The following NBEA variants were observed in gnomAD, a reference collection of about 807,000 sequenced individuals.
NBEA encodes lysosomal-trafficking regulator 2.
In NBEA, 44 loss-of-function variants were observed where a neutral mutation model predicts 343.4. The ratio of observed to expected loss-of-function variants is 0.13; its 90% CI spans 0.10 to 0.16. The LOEUF (loss-of-function observed/expected upper bound fraction) is 0.16, where lower values mean the gene tolerates loss of function less well. Among genes scored for constraint, NBEA ranks in the 10% least tolerant of loss-of-function variants. The pLI, the probability that NBEA is intolerant of heterozygous loss-of-function variation, is 1.00. For missense variants in NBEA, 2,555 were observed against 3,631.3 expected, an observed-to-expected ratio of 0.70 and a Z score of 7.62; for synonymous variants, 1,175 against 1,238.7, an observed-to-expected ratio of 0.95 and a Z score of 1.08.
intron 39 of NBEA, among the ~76,000 whole-genome samples, chr13:35,449,804 C>T (rs1369813919): frequency 6.6e-6 from 1 of 152,188 alleles, no homozygotes; most frequent in Non-Finnish European, 1.5e-5. Flanking sequence ...TTTAATTCCC[C>T]TCCCCTCCAA....
intron 1 of NBEA, among the ~76,000 whole-genome samples, chr13:35,023,502 G>C (rs1430859277): frequency 6.6e-6 from 1 of 152,010 alleles, no homozygotes; most frequent in East Asian, 1.9e-4. Context: ...AAAAGTATGC[G>C]ATCATAGAGG....
chr13:35,552,924 T>C (rs1298229665), intron 43 of NBEA, among the ~76,000 whole-genome samples: 2 of 152,078 alleles, frequency 1.3e-5, no homozygotes, highest in Non-Finnish European at 2.9e-5. Flanking sequence ...AAGGTCTCAC[T>C]CTGTCACCCA....
intron 36 of NBEA, among the ~76,000 whole-genome samples, chr13:35,340,382 A>G (rs528564524): frequency 1.3e-5 from 2 of 152,256 alleles, no homozygotes; most frequent in Non-Finnish European, 2.9e-5. Context: ...GCATGATTCC[A>G]CTTGTATGAG....
rs1487421262 is a variant in NBEA at position 35,667,552 on chromosome 13, G to C, written c.8643G>C (p.Glu2881Asp). 2 of 1,613,994 alleles carry C rather than the reference G, an allele frequency of 1.2e-6. No homozygotes were observed. Among genetic ancestry groups the C allele is most frequent in the South Asian group, 2.2e-5 (2 of 91,078 alleles). The change falls in exon 57 of 59, where the codon GAG becomes GAC. Residue 2881 changes from glutamate to aspartate, a missense_variant. This residue lies in a region of NBEA where 186 missense variants were observed against 328.9 expected (regional missense o/e 0.57). Transcript: ENST00000379939. ...ATGGGAAACTTTTGGCTCAAATGGA[G>C]ATCAATGATTCAACACGGGTAAATC... ...SINGKLLAQM[E>D]INDSTRAILL... is the part of the protein sequence containing the mutation.
intron 44 of NBEA, among the ~76,000 whole-genome samples, chr13:35,566,253 C>T (rs760396380): frequency 1.2e-4 from 19 of 152,184 alleles, no homozygotes; most frequent in Non-Finnish European, 2.2e-4. Context: ...CCCAGCTACT[C>T]AGGAGGCTGA....
chr13:35,276,191 G>A (rs2034574008), intron 34 of NBEA, among the ~76,000 whole-genome samples: 2 of 151,984 alleles, frequency 1.3e-5, no homozygotes, highest in Non-Finnish European at 2.9e-5. Context: ...GAGCACATAT[G>A]GCCTGTGTTG....
At chr13:35,361,608 A>G (rs1049881414) in intron 38 of NBEA, among the ~76,000 whole-genome samples, 2 of 152,038 alleles carry the variant, frequency 1.3e-5, no homozygotes, top group South Asian at 2.1e-4. Flanking sequence ...CATAGGAGAA[A>G]AATCTTGGTG....
At chr13:35,594,276 G>A (rs1187185669) in intron 47 of NBEA, among the ~76,000 whole-genome samples, 1 of 151,916 alleles carries the variant, frequency 6.6e-6, no homozygotes, top group Non-Finnish European at 1.5e-5. Flanking sequence ...ATTCCATTTA[G>A]AGCCTTAAAC....
intron 34 of NBEA, among the ~76,000 whole-genome samples, chr13:35,243,149 G>A (rs961681636): frequency 2.6e-5 from 4 of 151,806 alleles, no homozygotes; most frequent in African/African-American, 9.7e-5. Context: ...GCAGATGACT[G>A]AGCTGTAAAG....
At position 35,409,427 on chromosome 13, in the gene NBEA, A is replaced by G. The variant is rs185578843; in HGVS notation, c.6180-22842A>G. Reference sequence around the variant, plus strand: ...ATACTTGGATGATGAAATAATCTGTACAACAAACCCCCATGATACAAGTTT... The same window carrying G: ...ATACTTGGATGATGAAATAATCTGTGCAACAAACCCCCATGATACAAGTTT... On this transcript the variant is annotated intron_variant, in intron 38 of 58. Coordinates refer to ENST00000379939, the MANE Select transcript of NBEA (RefSeq NM_001385012.1). Among the ~76,000 whole-genome samples the G allele has an allele frequency of 6.6e-5, 10 of 152,222 alleles. No individual in the cohort carries two copies. In the East Asian group the frequency reaches 1.9e-3, roughly 29 times the overall value.
At chr13:35,054,473 T>G (rs2063174373) in intron 6 of NBEA, among the ~76,000 whole-genome samples, 1 of 152,086 alleles carries the variant, frequency 6.6e-6, no homozygotes, top group African/African-American at 2.4e-5. Flanking sequence ...AGACTTAGTT[T>G]CCAATAAATT....
chr13:35,587,007 A>C (rs966636316), intron 46 of NBEA, among the ~76,000 whole-genome samples: 39 of 51,114 alleles, frequency 7.6e-4, no homozygotes, highest in Non-Finnish European at 2.1e-3. Flanking sequence ...TCAAATAGTC[A>C]GACAAGAATA....
intron 40 of NBEA, among the ~76,000 whole-genome samples, chr13:35,468,422 A>G (rs1472179771): frequency 6.6e-6 from 1 of 152,216 alleles, no homozygotes; most frequent in Non-Finnish European, 1.5e-5. Context: ...TCTTTTGGCT[A>G]ATATGAGTGA....
At chr13:35,131,302 T>G (rs2067412523) in intron 17 of NBEA, among the ~76,000 whole-genome samples, 1 of 152,158 alleles carries the variant, frequency 6.6e-6, no homozygotes, top group South Asian at 2.1e-4. Context: ...TAAGGGAAAT[T>G]TATGGTCAAT....
At chr13:35,084,908 C>T (rs2064651319) in intron 10 of NBEA, among the ~76,000 whole-genome samples, 2 of 152,040 alleles carry the variant, frequency 1.3e-5, no homozygotes, top group South Asian at 4.1e-4. Flanking sequence ...GATATCACCA[C>T]CGATCCCACA....
intron 17 of NBEA, among the ~76,000 whole-genome samples, chr13:35,127,517 ATGAAT>A (rs2067194215): frequency 6.6e-6 from 1 of 152,202 alleles, no homozygotes; most frequent in Non-Finnish European, 1.5e-5. Flanking sequence ...CACAACCGTA[ATGAAT>A]TGGGAGGGGA....
At chr13:35,560,189 G>T (rs1024719306) in intron 44 of NBEA, among the ~76,000 whole-genome samples, 3 of 149,176 alleles carry the variant, frequency 2.0e-5, no homozygotes, top group Non-Finnish European at 3.0e-5. Context: ...ACACAGTCGG[G>T]ATTCAAACCT....
At chr13:35,537,605 T>C (rs8002267) in intron 41 of NBEA, among the ~76,000 whole-genome samples, 52,522 of 151,924 alleles carry the variant, frequency 0.35, 9,414 homozygotes, top group East Asian at 0.52. Context: ...GAGCGTAAGA[T>C]AGGGTGATTT....
At chr13:35,533,295 T>C (rs1308359151) in intron 41 of NBEA, among the ~76,000 whole-genome samples, 1 of 152,180 alleles carries the variant, frequency 6.6e-6, no homozygotes, top group Non-Finnish European at 1.5e-5. Context: ...ATTTATCTAT[T>C]TGAGCTTTTT....
Sources: allele counts gnomAD v4.1 joint callset (sites outside exome capture counted in the v4.1 genomes callset), GRCh38; gene constraint gnomAD v4.1.1; regional missense constraint gnomAD v4.1.1; transcripts MANE v1.5; gene names NCBI Gene and HGNC (gene_info 2026-07-23, HGNC 2026-07-21).